The following DCHS2 variants were observed in gnomAD, a reference collection of about 807,000 sequenced individuals.
DCHS2 encodes dachsous cadherin-related 2.
A neutral mutation model predicts 182.4 loss-of-function variants in DCHS2; 142 were observed. The observed-to-expected ratio is 0.78, with a 90% CI of 0.68 to 0.89. The LOEUF (loss-of-function observed/expected upper bound fraction) is 0.89. Ranked by LOEUF, DCHS2 falls within the 40% of genes least tolerant of loss-of-function variation. DCHS2 has a pLI of 0.00. For synonymous variants in DCHS2, 1,740 were observed against 1,663.3 expected (o/e 1.05, Z -1.12); for missense variants, 4,319 against 4,198.6 (o/e 1.03, Z -0.79).
intron 1 of DCHS2, among the ~76,000 whole-genome samples, chr4:154,405,400 A>AT (rs200340673): frequency 1.3e-3 from 196 of 149,550 alleles, no homozygotes; most frequent in Middle Eastern, 3.5e-3. Context: ...ATGGACACTG[A>AT]TTTTTTTTCC....
chr4:154,452,529 C>T (rs1479371061), intron 1 of DCHS2, among the ~76,000 whole-genome samples: 2 of 151,998 alleles, frequency 1.3e-5, no homozygotes, highest in East Asian at 3.9e-4. Context: ...GAGGCTGAGG[C>T]ATGAGAATCT....
intron 3 of DCHS2, among the ~76,000 whole-genome samples, chr4:154,342,686 G>T (rs1405032537): frequency 2.0e-5 from 3 of 152,044 alleles, no homozygotes; most frequent in Non-Finnish European, 4.4e-5. Flanking sequence ...ACATCTTCAG[G>T]CTCCACTTCT....
At chr4:154,415,170 G>A (rs770208464) in intron 1 of DCHS2, among the ~76,000 whole-genome samples, 5 of 152,136 alleles carry the variant, frequency 3.3e-5, no homozygotes, top group Admixed American at 6.5e-5. Flanking sequence ...TAATAGATGA[G>A]GGAACTAACC....
At chr4:154,274,753 T>C (rs993787790) in intron 13 of DCHS2, among the ~76,000 whole-genome samples, 1 of 152,130 alleles carries the variant, frequency 6.6e-6, no homozygotes, top group African/African-American at 2.4e-5. Context: ...TTTTCTATTG[T>C]GAGAGATTAG....
intron 4 of DCHS2, 188 bp downstream of exon 4, chr4:154,334,680 G>GA (rs1240832266): frequency 1.8e-5 from 10 of 556,636 alleles, no homozygotes; most frequent in South Asian, 7.7e-5. Context: ...TTTGTGATCA[G>GA]AAAAAAAATT....
At chr4:154,374,410 CA>C in intron 2 of DCHS2, 1 of 153,304 alleles carries the variant, frequency 6.5e-6, no homozygotes, top group Admixed American at 6.5e-5. Context: ...CAAAATCTAT[CA>C]AGAATATATT....
At chr4:154,330,444 T>C (rs1451704819) in intron 5 of DCHS2, among the ~76,000 whole-genome samples, 3 of 152,200 alleles carry the variant, frequency 2.0e-5, no homozygotes, top group Non-Finnish European at 4.4e-5. Context: ...ACTTTCCTCA[T>C]GTGTCAGCCA....
chr4:154,293,192 T>C (rs1259268747), intron 13 of DCHS2, among the ~76,000 whole-genome samples: 1 of 139,194 alleles, frequency 7.2e-6, no homozygotes, highest in Non-Finnish European at 1.6e-5. Flanking sequence ...GGGGTGGATA[T>C]CCAGGTATTC....
chr4:154,306,942 G>A (rs1335223536), intron 10 of DCHS2, among the ~76,000 whole-genome samples: 2 of 151,946 alleles, frequency 1.3e-5, no homozygotes, highest in Non-Finnish European at 2.9e-5. Flanking sequence ...GAAACTTCCA[G>A]ATTTTATTTT....
At chr4:154,264,948 G>A (rs895333299) in intron 14 of DCHS2, among the ~76,000 whole-genome samples, 1 of 152,160 alleles carries the variant, frequency 6.6e-6, no homozygotes, top group Non-Finnish European at 1.5e-5. Context: ...AGCACTTCGA[G>A]ATCAGTAATT....
intron 7 of DCHS2, chr4:154,322,980 A>G (rs941092499): frequency 1.1e-5 from 5 of 463,670 alleles, no homozygotes; most frequent in Admixed American, 3.7e-5. Flanking sequence ...CAACCATCCC[A>G]TAAATACTCT....
chr4:154,301,297 G>A (rs1735186558), intron 12 of DCHS2, among the ~76,000 whole-genome samples: 1 of 152,006 alleles, frequency 6.6e-6, no homozygotes, highest in Admixed American at 6.6e-5. Context: ...TCAAGTGGTA[G>A]ATAAAGAAAA....
At chr4:154,258,171 AG>A (rs1206287600) in intron 15 of DCHS2, among the ~76,000 whole-genome samples, 3 of 152,182 alleles carry the variant, frequency 2.0e-5, no homozygotes, top group African/African-American at 7.2e-5. Context: ...CATCTGGAAC[AG>A]GCTGGTGACT....
chr4:154,336,819 A>G (rs1456235827), intron 3 of DCHS2, among the ~76,000 whole-genome samples: 1 of 152,140 alleles, frequency 6.6e-6, no homozygotes, highest in Non-Finnish European at 1.5e-5. Flanking sequence ...CATTTTCTTT[A>G]ATGATTCCTT....
chr4:154,233,537 T>A lies in DCHS2; in HGVS notation c.*999A>T, dbSNP rs1731290358. The A allele has an allele frequency of 6.6e-6, 1 of 152,226 alleles. No individual in the cohort carries two copies. The allele number at this position is 152,226 out of a possible 1,614,324, so 9.4% of individuals were successfully genotyped here. A position where few individuals can be genotyped will look rare whatever the true frequency, so the allele number is the denominator to read the frequency against. On this transcript the variant is annotated 3_prime_UTR_variant, in exon 20 of 20. Coordinates refer to ENST00000357232, the MANE Select transcript of DCHS2 (RefSeq NM_001358235.2). ...ATATTGCTAAATTACTCTATGAGAT[T>A]TATCATTAGCTAATGACATGATTTT...
chr4:154,398,483 G>T (rs897045496), intron 1 of DCHS2, among the ~76,000 whole-genome samples: 1 of 152,096 alleles, frequency 6.6e-6, no homozygotes. Context: ...CCAGCCCTTT[G>T]ACTGTGACAC....
intron 1 of DCHS2, among the ~76,000 whole-genome samples, chr4:154,422,218 A>G (rs1214498597): frequency 6.6e-6 from 1 of 152,142 alleles, no homozygotes; most frequent in African/African-American, 2.4e-5. Context: ...ACCTCTGCCC[A>G]TGATCTCAAG....
chr4:154,334,859 A>G lies in DCHS2; in HGVS notation c.2713+9T>C. On this transcript the variant is annotated intron_variant, in intron 4 of 19. Transcript: ENST00000357232. ...GGAATTCCATGCAGCATAAGAAATA[A>G]GTACTTACTCAAGGGCTCTCTTGCT... The G allele has an allele frequency of 2.5e-6, 4 of 1,582,998 alleles. 1 individual carries two copies. In the South Asian group the frequency reaches 4.4e-5, roughly 18 times the overall value.
chr4:154,305,258 A>C lies in DCHS2; in HGVS notation c.5261-27T>G, dbSNP rs377059798. 19 of 1,596,982 alleles carry C rather than the reference A, an allele frequency of 1.2e-5. No homozygotes were observed. In the African/African-American group the frequency reaches 2.4e-4, roughly 20 times the overall value. On this transcript the variant is annotated intron_variant, in intron 10 of 19. Transcript: ENST00000357232. ...TTAAGAAAAATATAAAGAAAAACTT[A>C]GCAATCATTTCTTTGAAATACATTT...
Sources: gnomAD v4.1 joint callset for allele counts (sites outside exome capture counted in the v4.1 genomes callset) on GRCh38, gnomAD v4.1.1 for gene constraint, MANE v1.5 for transcripts, NCBI Gene and HGNC (gene_info 2026-07-23, HGNC 2026-07-21) for gene names.